Variants in TTC21B observed in about 807,000 individuals in gnomAD.
The protein encoded by TTC21B is tetratricopeptide repeat protein 21B.
Under a neutral mutation model 175.1 loss-of-function variants are expected in TTC21B, and 127 were observed. That is an observed-to-expected ratio of 0.73 (90% CI 0.63 to 0.84). The LOEUF (loss-of-function observed/expected upper bound fraction) is 0.84. TTC21B is among the 40% of genes least tolerant of loss of function. TTC21B has a pLI of 0.00. For missense variants in TTC21B, 1,561 were observed against 1,558.3 expected, an observed-to-expected ratio of 1.00 and a Z score of -0.03; for synonymous variants, 524 against 524.5, an observed-to-expected ratio of 1.00 and a Z score of 0.01.
At chr2:165,937,900 T>C (rs1687217341) in intron 6 of TTC21B, among the ~76,000 whole-genome samples, 1 of 151,222 alleles carries the variant, frequency 6.6e-6, no homozygotes, top group African/African-American at 2.4e-5. Flanking sequence ...TCAAATATCA[T>C]TTCACACTAA....
intron 20 of TTC21B, 35 bp from the exon 21 acceptor site, chr2:165,899,915 T>C: frequency 4.4e-6 from 6 of 1,371,906 alleles, no homozygotes; most frequent in Non-Finnish European, 6.2e-6. Context: ...TCAGACACTG[T>C]ATAGAATAAA....
At chr2:165,890,790 A>G (rs1282866386) in intron 23 of TTC21B, 48 bp downstream of exon 23, 2 of 1,588,966 alleles carry the variant, frequency 1.3e-6, no homozygotes, top group Admixed American at 3.4e-5. Flanking sequence ...TACTTGATTT[A>G]CAATGAGAAA....
At chr2:165,927,357 TTATATA>T (rs1306861608) in intron 11 of TTC21B, among the ~76,000 whole-genome samples, 5 of 92,446 alleles carry the variant, frequency 5.4e-5, no homozygotes, top group Non-Finnish European at 9.1e-5. Context: ...ATAATATATT[TTATATA>T]TATATATATA....
chr2:165,909,344 GT>G (rs1559052727), intron 18 of TTC21B, among the ~76,000 whole-genome samples: 3 of 152,020 alleles, frequency 2.0e-5, no homozygotes, highest in African/African-American at 7.2e-5. Context: ...CTTTTAGAGA[GT>G]GACAAGAAAT....
chr2:165,887,459 T>C lies in TTC21B; in HGVS notation c.3459+820A>G, dbSNP rs574231241. The stretch of plus-strand genomic sequence containing the variant: ...AGAAAAAAGGTGGAGGAGGCCGAGA[T>C]AGGCGGATCACCTGAGTCAGGAGTT... On this transcript the variant is annotated intron_variant, in intron 25 of 28. Coordinates refer to ENST00000243344, the MANE Select transcript of TTC21B (RefSeq NM_024753.5). 2.6e-5 allele frequency among the ~76,000 whole-genome samples: 4 copies of C among 152,086 alleles called. No homozygotes were observed. In the East Asian group the frequency reaches 5.8e-4, roughly 22 times the overall value.
chr2:165,909,618 C>T (rs925854473), intron 18 of TTC21B, among the ~76,000 whole-genome samples: 16 of 152,210 alleles, frequency 1.1e-4, no homozygotes, highest in Admixed American at 2.6e-4. Context: ...ATGACTAACA[C>T]GACATAATGT....
chr2:165,893,245 A>G (rs186820533), intron 22 of TTC21B, among the ~76,000 whole-genome samples: 85 of 152,336 alleles, frequency 5.6e-4, no homozygotes, highest in African/African-American at 1.9e-3. Flanking sequence ...AAATGTTATT[A>G]ATAATATTTA....
chr2:165,939,056 C>T (rs2105357603), intron 6 of TTC21B, among the ~76,000 whole-genome samples: 1 of 152,146 alleles, frequency 6.6e-6, no homozygotes, highest in East Asian at 1.9e-4. Flanking sequence ...TGAAATGATG[C>T]AGAGTTTTGA....
At chr2:165,895,978 GA>G (rs1685349134) in intron 22 of TTC21B, among the ~76,000 whole-genome samples, 2 of 152,098 alleles carry the variant, frequency 1.3e-5, no homozygotes, top group South Asian at 4.1e-4. Flanking sequence ...GCTCGCTGGG[GA>G]TATTTTATTT....
intron 6 of TTC21B, among the ~76,000 whole-genome samples, chr2:165,934,500 C>CAAAAAAAAAAAAAAAAAAAAAAA (rs369089707): frequency 9.7e-5 from 7 of 71,892 alleles, no homozygotes; most frequent in African/African-American, 1.4e-4. Flanking sequence ...GACTCTGTCT[C>CAAAAAAAAAAAAAAAAAAAAAAA]AAAAAAAAAA....
chr2:165,915,178 A>T (rs202078924), intron 15 of TTC21B, 23 bp downstream of exon 15: 1 of 1,583,566 alleles, frequency 6.3e-7, no homozygotes, highest in East Asian at 2.2e-5. Flanking sequence ...ATCAAAATAT[A>T]ATGGGTTAAG....
At chr2:165,896,254 G>T (rs948997774) in intron 22 of TTC21B, among the ~76,000 whole-genome samples, 1 of 152,110 alleles carries the variant, frequency 6.6e-6, no homozygotes, top group Admixed American at 6.6e-5. Flanking sequence ...ATACAGTCAT[G>T]TATTAGTCAA....
intron 20 of TTC21B, among the ~76,000 whole-genome samples, 168 bp from the exon 21 acceptor site, chr2:165,900,048 AT>A (rs1685503542): frequency 7.0e-6 from 1 of 142,000 alleles, no homozygotes; most frequent in South Asian, 2.3e-4. Context: ...ACCCATCTCT[AT>A]TTTCTCTTAC....
chr2:165,890,630 C>T lies in TTC21B; in HGVS notation c.3112G>A (p.Glu1038Lys). 1 of 1,613,686 alleles carries T rather than the reference C, an allele frequency of 6.2e-7. No individual in the cohort carries two copies. The highest frequency in any genetic ancestry group is 8.5e-7 in the Non-Finnish European group (1 of 1,179,712). Residue 1038 changes from glutamate to lysine, a missense_variant, in exon 24 of 29, where the codon GAA (glutamate) becomes AAA (lysine). Coordinates refer to ENST00000243344, the MANE Select transcript of TTC21B (RefSeq NM_024753.5). ...CKGLYLWYTGEPNDALRHFNK... is the reference protein window; with the variant it reads ...CKGLYLWYTGKPNDALRHFNK... The stretch of plus-strand genomic sequence containing the variant: ...AAATGTCGAAGGGCATCATTTGGTT[C>T]TCCAGTGTACCTTGTTAGATGTTTA...
intron 19 of TTC21B, among the ~76,000 whole-genome samples, chr2:165,903,494 G>A (rs913330960): frequency 1.4e-4 from 22 of 152,152 alleles, no homozygotes; most frequent in African/African-American, 5.3e-4. Context: ...ACAGGATCAG[G>A]TTGCCTTTGG....
At chr2:165,911,583 T>G in intron 17 of TTC21B, 118 bp from the exon 18 acceptor site, 1 of 1,192,254 alleles carries the variant, frequency 8.4e-7, no homozygotes, top group African/African-American at 1.5e-5. Flanking sequence ...CAGGAAGAAT[T>G]GTAGGCATAC....
rs545112873 is a variant in TTC21B, at chr2:165,930,382, T to A, written c.895-18A>T. ...CGTCCACACTAAAAAGAAAAAAAAA[T>A]GATGTAAGATTTCAAAGTCTAACAT... On this transcript the variant is annotated intron_variant, in intron 8 of 28. Coordinates refer to ENST00000243344, the MANE Select transcript of TTC21B (RefSeq NM_024753.5). 3.9e-6 allele frequency: 6 copies of A among 1,553,850 alleles called. No homozygotes were observed. The African/African-American group carries it at 5.4e-5, about 14-fold the overall frequency.
intron 7 of TTC21B, 43 bp from the exon 8 acceptor site, chr2:165,931,899 A>G (rs770016883): frequency 7.6e-7 from 1 of 1,312,222 alleles, no homozygotes; most frequent in South Asian, 1.2e-5. Flanking sequence ...TATACTAAGT[A>G]AAAACAACAT....
At chr2:165,885,981 T>G (rs909550353) in intron 25 of TTC21B, among the ~76,000 whole-genome samples, 2 of 152,200 alleles carry the variant, frequency 1.3e-5, no homozygotes, top group Admixed American at 1.3e-4. Flanking sequence ...TGAAAGCAAG[T>G]GGAAACACTT....
Sources: gnomAD v4.1 joint callset for allele counts (sites outside exome capture counted in the v4.1 genomes callset) on GRCh38, gnomAD v4.1.1 for gene constraint, MANE v1.5 for transcripts, NCBI Gene and HGNC (gene_info 2026-07-23, HGNC 2026-07-21) for gene names.